The following DPY19L4 variants were observed in gnomAD, a reference collection of about 807,000 sequenced individuals.
The protein encoded by DPY19L4 is dpy-19 like 4.
Under a neutral mutation model 102.8 loss-of-function variants are expected in DPY19L4, and 97 were observed. The observed-to-expected ratio is 0.94, with a 90% confidence interval of 0.80 to 1.12. The LOEUF is 1.12. DPY19L4 is among the 50% of genes most tolerant of loss of function. The probability of loss-of-function intolerance (pLI) is 0.00; values close to 1 mark genes in which losing one functional copy is unlikely to be tolerated. For missense variants in DPY19L4, 815 were observed against 850.4 expected, an observed-to-expected ratio of 0.96 and a Z score of 0.52; for synonymous variants, 252 against 283.1, an observed-to-expected ratio of 0.89 and a Z score of 1.10.
chr8:94,781,184 CAA>C lies in DPY19L4; in HGVS notation c.1715+19_1715+20del, dbSNP rs1471830896. 6.5e-7 allele frequency: 1 copy of C among 1,543,292 alleles called. No individual in the cohort carries two copies. Among genetic ancestry groups the C allele is most frequent in the Non-Finnish European group, 8.7e-7 (1 of 1,145,508 alleles). ...TGGATAAAGTAAGGATTGAAGTGCC[CAA>C]GACTATTATTAAGCTATTAATTAAT... is the stretch of plus-strand genomic sequence containing the variant. On this transcript the variant is annotated intron_variant, in intron 16 of 18. Coordinates refer to ENST00000414645, the MANE Select transcript of DPY19L4 (RefSeq NM_181787.3).
intron 17 of DPY19L4, among the ~76,000 whole-genome samples, chr8:94,787,091 A>G (rs1377211780): frequency 6.6e-6 from 1 of 152,204 alleles, no homozygotes; most frequent in Non-Finnish European, 1.5e-5. Context: ...TTGTGTCCCA[A>G]CAAAGAATGA....
intron 6 of DPY19L4, among the ~76,000 whole-genome samples, chr8:94,741,023 A>C (rs374855788): frequency 6.6e-6 from 1 of 152,170 alleles, no homozygotes; most frequent in Non-Finnish European, 1.5e-5. Flanking sequence ...CTGTGGTGTC[A>C]TTTAGCTTTT....
rs73697035 is a variant in DPY19L4 at position 94,788,148 on chromosome 8, A to G, written c.2007+96A>G. The G allele has an allele frequency of 0.015, 8,997 of 602,594 alleles. 714 individuals are homozygous for G. In the African/African-American group the frequency reaches 0.16, roughly 11 times the overall value. The allele number at this position is 602,594 out of a possible 1,614,324, so 37.3% of individuals were successfully genotyped here. A position where few individuals can be genotyped will look rare whatever the true frequency, so the allele number is the denominator to read the frequency against. On this transcript the variant is annotated intron_variant, in intron 18 of 18. Coordinates refer to ENST00000414645, the MANE Select transcript of DPY19L4 (RefSeq NM_181787.3). The stretch of plus-strand genomic sequence containing the variant: ...CTTATAATCTTTAAACTTTATTTTT[A>G]GAACTTAACTAAGAATATAATTGAG...
chr8:94,747,995 G>A (rs1811756454), intron 6 of DPY19L4, among the ~76,000 whole-genome samples: 1 of 152,196 alleles, frequency 6.6e-6, no homozygotes, highest in Non-Finnish European at 1.5e-5. Context: ...CTGTTAGTTT[G>A]TGCTACAATC....
chr8:94,782,632 A>G (rs554586283), intron 16 of DPY19L4, among the ~76,000 whole-genome samples: 1 of 152,232 alleles, frequency 6.6e-6, no homozygotes, highest in Non-Finnish European at 1.5e-5. Flanking sequence ...CCAGAAAAAT[A>G]TGGGAAAAAA....
At chr8:94,783,528 G>C in intron 16 of DPY19L4, 142 bp from the exon 17 acceptor site, 4 of 1,207,118 alleles carry the variant, frequency 3.3e-6, no homozygotes, top group Non-Finnish European at 4.5e-6. Flanking sequence ...ATGAATCCAT[G>C]AATGAAATGA....
chr8:94,734,596 T>C (rs763412861), intron 2 of DPY19L4, 34 bp from the exon 3 acceptor site: 17 of 1,582,642 alleles, frequency 1.1e-5, no homozygotes, highest in Non-Finnish European at 1.2e-5. Flanking sequence ...AGGGTACATA[T>C]TACCTTTTCA....
At chr8:94,755,622 C>T (rs147304313) in intron 6 of DPY19L4, among the ~76,000 whole-genome samples, 3,927 of 151,940 alleles carry the variant, frequency 0.026, 172 homozygotes, top group African/African-American at 0.089. Flanking sequence ...GGGCTGGGTG[C>T]GGTGGCTCAT....
intron 8 of DPY19L4, among the ~76,000 whole-genome samples, chr8:94,764,265 T>C (rs1216990679): frequency 6.6e-6 from 1 of 152,126 alleles, no homozygotes; most frequent in East Asian, 1.9e-4. Context: ...TTTATTTTGT[T>C]TCCAGAGAGT....
intron 6 of DPY19L4, among the ~76,000 whole-genome samples, chr8:94,745,325 G>A (rs1340751801): frequency 8.0e-6 from 1 of 125,574 alleles, no homozygotes; most frequent in African/African-American, 4.0e-5. Context: ...TAGAAGCAAT[G>A]TGGAAATTGT....
At chr8:94,724,183 G>T (rs2130780697) in intron 1 of DPY19L4, among the ~76,000 whole-genome samples, 1 of 152,236 alleles carries the variant, frequency 6.6e-6, no homozygotes, top group Non-Finnish European at 1.5e-5. Flanking sequence ...CACCTACCTA[G>T]CCCATTGGTC....
chr8:94,788,082 T>G (rs1276551491), intron 18 of DPY19L4, 30 bp downstream of exon 18: 5 of 1,123,866 alleles, frequency 4.4e-6, no homozygotes, highest in Non-Finnish European at 5.7e-6. Context: ...GTTATATATA[T>G]GTATATATAT....
At chr8:94,730,031 A>T (rs1396991772) in intron 2 of DPY19L4, among the ~76,000 whole-genome samples, 1 of 152,034 alleles carries the variant, frequency 6.6e-6, no homozygotes, top group Non-Finnish European at 1.5e-5. Context: ...ATACTCTTAA[A>T]ATTTTGGCAT....
At chr8:94,764,503 G>A (rs559996839) in intron 8 of DPY19L4, among the ~76,000 whole-genome samples, 2 of 148,978 alleles carry the variant, frequency 1.3e-5, no homozygotes, top group African/African-American at 2.5e-5. Flanking sequence ...GTGAACCCGG[G>A]AGGCAGAGCT....
intron 18 of DPY19L4, among the ~76,000 whole-genome samples, chr8:94,789,465 A>G (rs569674490): frequency 6.6e-6 from 1 of 152,238 alleles, no homozygotes; most frequent in African/African-American, 2.4e-5. Context: ...AGCGATGATA[A>G]TGGATTATGG....
At chr8:94,774,418 G>A (rs889616160) in intron 13 of DPY19L4, among the ~76,000 whole-genome samples, 2 of 152,102 alleles carry the variant, frequency 1.3e-5, no homozygotes, top group African/African-American at 4.8e-5. Flanking sequence ...TGTTTTTTAA[G>A]TATACAATTC....
chr8:94,761,856 G>T, intron 8 of DPY19L4, 22 bp downstream of exon 8: 1 of 1,584,774 alleles, frequency 6.3e-7, no homozygotes, highest in South Asian at 1.2e-5. Flanking sequence ...TTTTGAAATG[G>T]TGATTTTTAA....
intron 8 of DPY19L4, among the ~76,000 whole-genome samples, chr8:94,762,183 C>G (rs999139311): frequency 2.0e-5 from 3 of 152,264 alleles, no homozygotes. Flanking sequence ...ATCAGCTTTG[C>G]TCAAAAGTAG....
At chr8:94,784,928 G>T (rs1813593814) in intron 17 of DPY19L4, among the ~76,000 whole-genome samples, 1 of 152,186 alleles carries the variant, frequency 6.6e-6, no homozygotes, top group Non-Finnish European at 1.5e-5. Flanking sequence ...TGTTTGGTAT[G>T]AATTTAAATG....
Sources: gnomAD v4.1 joint callset for allele counts (sites outside exome capture counted in the v4.1 genomes callset) on GRCh38, gnomAD v4.1.1 for gene constraint, MANE v1.5 for transcripts, NCBI Gene and HGNC (gene_info 2026-07-23, HGNC 2026-07-21) for gene names.